Variants in AKAP10 observed in about 807,000 individuals in gnomAD.
AKAP10 encodes A-kinase anchoring protein 10, also known as A-kinase anchor protein 10, mitochondrial.
AKAP10 carries 24 observed loss-of-function variants against 80.8 expected under a neutral mutation model. That is an observed-to-expected ratio of 0.30 (90% CI 0.22 to 0.42). AKAP10 has a LOEUF of 0.42. AKAP10 is among the 10% of genes least tolerant of loss of function. The pLI, the probability that AKAP10 is intolerant of heterozygous loss-of-function variation, is 1.00. For synonymous variants in AKAP10, 291 were observed against 277.7 expected (o/e 1.05, Z -0.48); for missense variants, 661 against 794.9 (o/e 0.83, Z 2.03).
chr17:19,936,406 A>T lies in AKAP10; in HGVS notation c.1347T>A (p.His449Gln). Residue 449 changes from histidine to glutamine, a missense_variant, in exon 9 of 15, where the codon CAT (histidine) becomes CAA (glutamine). Transcript: ENST00000225737. ...GTACAACATCATCAAATCCAAGAGG[A>T]TGTGTGGCTTGGAGGGAGAAGTACC... is the stretch of plus-strand genomic sequence containing the variant. ...YDKYFSLQAT[H>Q]PLGFDDVVRL... 6.2e-7 allele frequency: 1 copy of T among 1,612,518 alleles called. No individual in the cohort carries two copies. Among genetic ancestry groups the T allele is most frequent in the East Asian group, 2.2e-5 (1 of 44,842 alleles).
At position 19,936,304 on chromosome 17, in the gene AKAP10, G is replaced by C. The variant is rs1361086468; in HGVS notation, c.1449C>G (p.Ala483=). The C allele has an allele frequency of 1.9e-6, 3 of 1,613,474 alleles. No individual in the cohort carries two copies. In the African/African-American group the frequency reaches 4.0e-5, roughly 22 times the overall value. The change falls in exon 9 of 15, where the codon GCC becomes GCG. Residue 483 remains alanine (A), a synonymous_variant. Coordinates refer to ENST00000225737, the MANE Select transcript of AKAP10 (RefSeq NM_007202.4). ...PNCFTTPLRQ[A]WTTMEKVFLP... Reference sequence around the variant, plus strand: ...GGGTTACCTTCTCCATGGTTGTCCAGGCCTGACGTAATGGAGTTGTGAAAC... The same window carrying C: ...GGGTTACCTTCTCCATGGTTGTCCACGCCTGACGTAATGGAGTTGTGAAAC...
rs544440848 is a variant in AKAP10, at chr17:19,947,110, G to A, written c.976+297C>T. 39 of 347,940 alleles carry A rather than the reference G, an allele frequency of 1.1e-4. 1 individual carries two copies. The highest frequency in any genetic ancestry group is 9.0e-4 in the Middle Eastern group (1 of 1,114). 21.6% of individuals were successfully genotyped at this position (347,940 alleles called of 1,614,324 possible). On this transcript the variant is annotated intron_variant, in intron 5 of 14. Transcript: ENST00000225737. The stretch of plus-strand genomic sequence containing the variant: ...TGCGGGGCTGCCGGCCAGTCCATCC[G>A]GTGGTCTGTGCCGGTTAGCGTAGCC...
At chr17:19,966,512 A>G (rs977466829) in intron 2 of AKAP10, among the ~76,000 whole-genome samples, 3 of 152,178 alleles carry the variant, frequency 2.0e-5, no homozygotes, top group Admixed American at 1.3e-4. Flanking sequence ...TCTATTTGCT[A>G]CTGTTCTGTG....
intron 3 of AKAP10, among the ~76,000 whole-genome samples, chr17:19,961,588 T>C (rs1395557520): frequency 1.3e-5 from 2 of 152,232 alleles, no homozygotes; most frequent in Non-Finnish European, 2.9e-5. Context: ...CTGATTTTAT[T>C]AGAAGTCCAT....
In AKAP10 at chr17:19,905,858, G is replaced by A. The variant is rs925020149; in HGVS notation, c.*369C>T. 1 of 193,696 alleles carries A rather than the reference G, an allele frequency of 5.2e-6. No homozygotes were observed. The highest frequency in any genetic ancestry group is 2.3e-5 in the African/African-American group (1 of 43,210). The allele number at this position is 193,696 out of a possible 1,614,324, so 12.0% of individuals were successfully genotyped here. On this transcript the variant is annotated 3_prime_UTR_variant, in exon 15 of 15. Coordinates refer to ENST00000225737, the MANE Select transcript of AKAP10 (RefSeq NM_007202.4). ...GATTAGGGATGAGTTACCACTACGA[G>A]TGTGCATCAAGTATCAGTTCTATGC...
intron 11 of AKAP10, among the ~76,000 whole-genome samples, chr17:19,923,633 T>C (rs559783397): frequency 2.6e-5 from 4 of 151,948 alleles, no homozygotes; most frequent in South Asian, 2.1e-4. Flanking sequence ...CTCACGCCAT[T>C]CTCCTGTCTC....
chr17:19,907,011 A>G (rs1025383047), intron 14 of AKAP10, among the ~76,000 whole-genome samples: 1 of 140,652 alleles, frequency 7.1e-6, no homozygotes, highest in African/African-American at 2.9e-5. Flanking sequence ...CTTCGAGTCT[A>G]CTGTTTTTTT....
At chr17:19,952,504 A>AAATG (rs1050635626) in intron 4 of AKAP10, among the ~76,000 whole-genome samples, 7 of 150,892 alleles carry the variant, frequency 4.6e-5, no homozygotes, top group Non-Finnish European at 1.0e-4. Flanking sequence ...ATAAATAAAT[A>AAATG]ACACTACCCA....
chr17:19,922,178 G>A (rs1597493657), intron 11 of AKAP10, among the ~76,000 whole-genome samples: 1 of 152,176 alleles, frequency 6.6e-6, no homozygotes, highest in African/African-American at 2.4e-5. Context: ...GGAGGCTGAG[G>A]AAGGTGGATC....
At chr17:19,924,642 C>T (rs1438860513) in intron 10 of AKAP10, 125 bp from the exon 11 acceptor site, 4 of 499,988 alleles carry the variant, frequency 8.0e-6, no homozygotes, top group Non-Finnish European at 7.1e-6. Context: ...AACCTCATCA[C>T]TATTAAGATG....
rs536202354 is a variant in AKAP10, at chr17:19,947,418, T to C, written c.965A>G (p.Asn322Ser). The stretch of plus-strand genomic sequence containing the variant: ...CAAGCACTGCTTACCTATGATGTCA[T>C]TTCTCATTGCTTCTGTAATTGGTAT... ...KPIPITEAMR[N>S]DIIARICGED... Residue 322 changes from asparagine to serine, a missense_variant, in exon 5 of 15, where the codon AAT becomes AGT. Coordinates refer to ENST00000225737, the MANE Select transcript of AKAP10 (RefSeq NM_007202.4). 3.6e-5 allele frequency: 58 copies of C among 1,608,044 alleles called. 1 individual carries two copies. In the South Asian group the frequency reaches 6.0e-4, roughly 17 times the overall value.
intron 2 of AKAP10, among the ~76,000 whole-genome samples, chr17:19,965,301 C>T (rs888318207): frequency 3.9e-5 from 6 of 152,156 alleles, no homozygotes; most frequent in African/African-American, 1.4e-4. Flanking sequence ...TAAACATTTA[C>T]TTACCTGTTT....
rs761813104 is a variant in AKAP10, at chr17:19,962,968, T to C, written c.191A>G (p.Glu64Gly). The C allele has an allele frequency of 1.2e-6, 2 of 1,613,500 alleles. No homozygotes were observed. Among genetic ancestry groups the C allele is most frequent in the East Asian group, 4.5e-5 (2 of 44,878 alleles). The part of the protein sequence containing the change: ...QKSTKNHALL[E>G]AAGPSHVAIN... Reference sequence around the variant, plus strand: ...TGCAACATGACTTGGTCCTGCAGCCTCCAGCAAGGCATGATTTTTAGTGCT... The same window carrying C: ...TGCAACATGACTTGGTCCTGCAGCCCCCAGCAAGGCATGATTTTTAGTGCT... The change falls in exon 3 of 15, where the codon GAG becomes GGG. Residue 64 changes from glutamate (E) to glycine (G), a missense_variant. Coordinates refer to ENST00000225737, the MANE Select transcript of AKAP10 (RefSeq NM_007202.4).
chr17:19,929,270 A>G (rs1158871877), intron 10 of AKAP10: 1 of 152,186 alleles, frequency 6.6e-6, no homozygotes, highest in Non-Finnish European at 1.5e-5. Context: ...AATGTTCTAA[A>G]ATCGATGTGG....
intron 11 of AKAP10, among the ~76,000 whole-genome samples, chr17:19,920,428 A>G (rs1386559274): frequency 1.3e-5 from 2 of 152,210 alleles, no homozygotes; most frequent in African/African-American, 2.4e-5. Flanking sequence ...CAATTTTGTA[A>G]AAGAAGCACC....
intron 9 of AKAP10, among the ~76,000 whole-genome samples, chr17:19,933,220 T>A (rs2042956945): frequency 6.6e-6 from 1 of 152,166 alleles, no homozygotes; most frequent in Non-Finnish European, 1.5e-5. Context: ...GGTTTCGCCA[T>A]GTTGGCCAAG....
At chr17:19,945,834 A>G (rs2043097692) in intron 5 of AKAP10, among the ~76,000 whole-genome samples, 1 of 152,052 alleles carries the variant, frequency 6.6e-6, no homozygotes, top group African/African-American at 2.4e-5. Context: ...ACAAATACTA[A>G]CTTTTTTGAA....
At chr17:19,959,125 T>C (rs2043318901) in intron 3 of AKAP10, among the ~76,000 whole-genome samples, 1 of 152,128 alleles carries the variant, frequency 6.6e-6, no homozygotes, top group South Asian at 2.1e-4. Flanking sequence ...AGTGCTGGGA[T>C]TGCAGGCGTG....
intron 1 of AKAP10, 21 bp downstream of exon 1, chr17:19,977,571 C>G: frequency 6.5e-6 from 8 of 1,233,066 alleles, no homozygotes; most frequent in Non-Finnish European, 8.1e-6. Flanking sequence ...CCTGACTCCC[C>G]GCCGGCGCCC....
Sources: allele counts gnomAD v4.1 joint callset (sites outside exome capture counted in the v4.1 genomes callset), GRCh38; gene constraint gnomAD v4.1.1; transcripts MANE v1.5; gene names NCBI Gene and HGNC (gene_info 2026-07-23, HGNC 2026-07-21).